Variants in IGF2R observed in about 807,000 individuals in gnomAD.
IGF2R encodes cation-independent mannose-6-phosphate receptor.
A neutral mutation model predicts 270.6 loss-of-function variants in IGF2R; 91 were observed. The ratio of observed to expected loss-of-function variants is 0.34; its 90% CI spans 0.28 to 0.40. IGF2R has a LOEUF of 0.40. Ranked by LOEUF, IGF2R falls within the 10% of genes least tolerant of loss-of-function variation. The pLI is 1.00. For missense variants in IGF2R, 2,805 were observed against 3,188.3 expected (o/e 0.88, Z 2.90); for synonymous variants, 1,316 against 1,258.9 (o/e 1.05, Z -0.96).
rs1247667430 is a variant in IGF2R at position 160,071,179 on chromosome 6, A to G, written c.4444-731A>G. ...CCAGGAGGCTGGGAGGGAAAGGTGA[A>G]GGGTGTGTGGAGGCCCTGTGCCCCA... On this transcript the variant is annotated intron_variant, in intron 31 of 47. Coordinates refer to ENST00000356956, the MANE Select transcript of IGF2R (RefSeq NM_000876.4). 1.7e-3 allele frequency among the ~76,000 whole-genome samples: 183 copies of G among 108,228 alleles called. 2 individuals carry two copies. The highest frequency in any genetic ancestry group is 6.4e-3 in the African/African-American group (175 of 27,386). 71.0% of individuals were successfully genotyped at this position (108,228 alleles called of 152,430 possible). A position where few individuals can be genotyped will look rare whatever the true frequency, so the allele number is the denominator to read the frequency against.
intron 22 of IGF2R, among the ~76,000 whole-genome samples, chr6:160,060,331 G>A (rs895249486): frequency 6.6e-6 from 1 of 152,276 alleles, no homozygotes; most frequent in Non-Finnish European, 1.5e-5. Flanking sequence ...TGCAGTGAGT[G>A]TGTAAACCTG....
chr6:160,074,081 A>T, intron 35 of IGF2R, 106 bp downstream of exon 35: 2 of 776,318 alleles, frequency 2.6e-6, no homozygotes, highest in Non-Finnish European at 4.2e-6. Flanking sequence ...GCATAAAAAA[A>T]ATGGAGAAAG....
intron 5 of IGF2R, among the ~76,000 whole-genome samples, chr6:160,026,830 A>G (rs1777570449): frequency 6.6e-6 from 1 of 152,142 alleles, no homozygotes; most frequent in East Asian, 1.9e-4. Flanking sequence ...CTAATCTCCT[A>G]ATTGTTCCAG....
At chr6:160,067,099 G>A (rs1778601475) in intron 29 of IGF2R, among the ~76,000 whole-genome samples, 1 of 152,190 alleles carries the variant, frequency 6.6e-6, no homozygotes, top group African/African-American at 2.4e-5. Flanking sequence ...ACAGGCTGAA[G>A]TTCTTCCTCT....
chr6:160,059,487 A>G (rs1006204308), intron 22 of IGF2R, among the ~76,000 whole-genome samples: 1 of 152,208 alleles, frequency 6.6e-6, no homozygotes. Context: ...AGCATAGTAT[A>G]TATAGGGTTC....
At chr6:160,048,986 G>A (rs1363358897) in intron 18 of IGF2R, among the ~76,000 whole-genome samples, 1 of 152,176 alleles carries the variant, frequency 6.6e-6, no homozygotes, top group Non-Finnish European at 1.5e-5. Context: ...TCGTCCCTGG[G>A]TTGAATGCAG....
intron 4 of IGF2R, among the ~76,000 whole-genome samples, chr6:160,017,127 C>G (rs943013941): frequency 6.6e-6 from 1 of 151,912 alleles, no homozygotes; most frequent in Non-Finnish European, 1.5e-5. Flanking sequence ...ATCAGAATAT[C>G]AATCCAGGAT....
intron 36 of IGF2R, 27 bp downstream of exon 36, chr6:160,076,023 A>G (rs1420067829): frequency 6.2e-7 from 1 of 1,609,798 alleles, no homozygotes; most frequent in South Asian, 1.1e-5. Context: ...GACGATCTAG[A>G]TGCTCAACTG....
chr6:160,059,701 G>A (rs1778393034), intron 22 of IGF2R, among the ~76,000 whole-genome samples: 1 of 152,186 alleles, frequency 6.6e-6, no homozygotes, highest in Non-Finnish European at 1.5e-5. Flanking sequence ...GGACGCCCGT[G>A]GGGGCTCTCT....
intron 38 of IGF2R, 120 bp from the exon 39 acceptor site, chr6:160,080,009 C>T: frequency 3.2e-6 from 4 of 1,245,924 alleles, no homozygotes; most frequent in Admixed American, 2.0e-5. Context: ...CAGGTGAATG[C>T]CGGTTGTCAC....
chr6:160,018,522 C>A (rs559209043), intron 4 of IGF2R, among the ~76,000 whole-genome samples: 2 of 152,100 alleles, frequency 1.3e-5, no homozygotes, highest in South Asian at 4.2e-4. Context: ...AACATATATT[C>A]TTCTCATCAG....
chr6:160,036,562 G>A (rs1777828514), intron 10 of IGF2R, among the ~76,000 whole-genome samples: 1 of 152,080 alleles, frequency 6.6e-6, no homozygotes, highest in South Asian at 2.1e-4. Context: ...TTAATGACTT[G>A]GCCGAGATCT....
intron 7 of IGF2R, 34 bp from the exon 8 acceptor site, chr6:160,032,517 T>G (rs1388694403): frequency 2.5e-5 from 40 of 1,595,318 alleles, no homozygotes; most frequent in Non-Finnish European, 3.4e-5. Context: ...ATGAAACATT[T>G]TTTATTTTGC....
Position 160,103,732 on chromosome 6 carries a change from C to T in IGF2R, c.6996-14C>T. 6.4e-7 allele frequency: 1 copy of T among 1,552,874 alleles called. No individual in the cohort carries two copies. The highest frequency in any genetic ancestry group is 8.8e-7 in the Non-Finnish European group (1 of 1,130,140). ...TCTACACTGGAGTAATTATTGTCTC[C>T]TTTTTTTTTATAGGGAAACAGTGAT... On this transcript the variant is annotated splice_polypyrimidine_tract_variant and intron_variant, in intron 46 of 47. Transcript: ENST00000356956.
intron 4 of IGF2R, among the ~76,000 whole-genome samples, chr6:160,022,027 CACA>C (rs1777450223): frequency 6.6e-6 from 1 of 152,052 alleles, no homozygotes; most frequent in East Asian, 1.9e-4. Flanking sequence ...CACACACACA[CACA>C]CACACACACA....
chr6:160,088,075 G>A lies in IGF2R; in HGVS notation c.6248G>A (p.Gly2083Asp). ...ACGTACTCCAAAGGTTATCCGTGTG[G>A]TGGAAATAAGACCGCATCCTCCGTG... The part of the protein sequence containing the change: ...VVTYSKGYPC[G>D]GNKTASSVIE... The change falls in exon 42 of 48, where the codon GGT becomes GAT. Residue 2083 changes from glycine to aspartate, a missense_variant. Gly to Asp is a moderately conservative substitution (Grantham distance 94, BLOSUM62 -1). Coordinates refer to ENST00000356956, the MANE Select transcript of IGF2R (RefSeq NM_000876.4). The A allele has an allele frequency of 6.8e-6, 11 of 1,614,030 alleles. No individual in the cohort carries two copies. The highest frequency in any genetic ancestry group is 9.3e-6 in the Non-Finnish European group (11 of 1,179,864).
chr6:160,029,766 G>C, intron 7 of IGF2R, 111 bp downstream of exon 7: 1 of 703,924 alleles, frequency 1.4e-6, no homozygotes, highest in Non-Finnish European at 2.5e-6. Flanking sequence ...GAAGCTGGGA[G>C]CCATGACAGA....
intron 4 of IGF2R, among the ~76,000 whole-genome samples, chr6:160,014,698 C>A (rs549328940): frequency 2.3e-4 from 35 of 152,202 alleles, no homozygotes; most frequent in Non-Finnish European, 4.0e-4. Context: ...CCTACCCAGT[C>A]CACTGACTCA....
chr6:160,008,511 C>T (rs1013756213), intron 2 of IGF2R, among the ~76,000 whole-genome samples: 1 of 152,138 alleles, frequency 6.6e-6, no homozygotes, highest in African/African-American at 2.4e-5. Context: ...GAGATGTGGT[C>T]ATTCTACTTG....
Sources: gnomAD v4.1 joint callset for allele counts (sites outside exome capture counted in the v4.1 genomes callset) on GRCh38, gnomAD v4.1.1 for gene constraint, MANE v1.5 for transcripts, NCBI Gene and HGNC (gene_info 2026-07-23, HGNC 2026-07-21) for gene names.